Variants in MSI2 observed in about 807,000 individuals in gnomAD.
The protein encoded by MSI2 is RNA-binding protein Musashi homolog 2.
A neutral mutation model predicts 45.6 loss-of-function variants in MSI2; 17 were observed. The ratio of observed to expected loss-of-function variants is 0.37; its 90% CI spans 0.26 to 0.56. The LOEUF (loss-of-function observed/expected upper bound fraction) is 0.56. MSI2 is among the 20% of genes least tolerant of loss of function. The pLI, the probability that MSI2 is intolerant of heterozygous loss-of-function variation, is 0.77. For missense variants in MSI2, 293 were observed against 444.2 expected (o/e 0.66, Z 3.06); for synonymous variants, 156 against 158.2 (o/e 0.99, Z 0.11).
chr17:57,506,642 G>T (rs2086235395), intron 6 of MSI2, among the ~76,000 whole-genome samples: 1 of 152,174 alleles, frequency 6.6e-6, no homozygotes, highest in Non-Finnish European at 1.5e-5. Context: ...GTCGGGGGAG[G>T]CCATGGGAGT....
At chr17:57,310,164 T>C (rs573157599) in intron 5 of MSI2, among the ~76,000 whole-genome samples, 10 of 152,210 alleles carry the variant, frequency 6.6e-5, no homozygotes, top group Admixed American at 2.6e-4. Flanking sequence ...TTCTGTATCC[T>C]GGACTGAGAA....
intron 7 of MSI2, among the ~76,000 whole-genome samples, chr17:57,550,862 G>T (rs2087287268): frequency 6.6e-6 from 1 of 152,188 alleles, no homozygotes; most frequent in African/African-American, 2.4e-5. Context: ...CTGCATTCGA[G>T]AGTGTTCTGA....
chr17:57,323,594 G>T (rs79731065), intron 5 of MSI2, among the ~76,000 whole-genome samples: 1,933 of 152,352 alleles, frequency 0.013, 43 homozygotes, highest in African/African-American at 0.045. Flanking sequence ...GCTCCAGAGG[G>T]CCTGCATCTG....
At chr17:57,646,067 C>T (rs1910635081) in intron 10 of MSI2, among the ~76,000 whole-genome samples, 1 of 152,192 alleles carries the variant, frequency 6.6e-6, no homozygotes, top group African/African-American at 2.4e-5. Context: ...CCCATACCCT[C>T]ATCCACTGCA....
chr17:57,285,614 C>G (rs1473609564), intron 5 of MSI2, among the ~76,000 whole-genome samples: 2 of 152,114 alleles, frequency 1.3e-5, no homozygotes, highest in African/African-American at 2.4e-5. Flanking sequence ...GTGGAAGGTT[C>G]CGGCCCCCAC....
chr17:57,670,029 C>G (rs990218258), intron 11 of MSI2, among the ~76,000 whole-genome samples: 1 of 152,224 alleles, frequency 6.6e-6, no homozygotes, highest in African/African-American at 2.4e-5. Flanking sequence ...AGGGCTGGAA[C>G]TTGGTGGGCC....
At chr17:57,303,003 G>T (rs376658638) in intron 5 of MSI2, among the ~76,000 whole-genome samples, 7 of 152,334 alleles carry the variant, frequency 4.6e-5, no homozygotes, top group African/African-American at 1.7e-4. Context: ...CATAGGGAGG[G>T]ATGAGGGAAA....
intron 6 of MSI2, among the ~76,000 whole-genome samples, chr17:57,496,248 C>T (rs942080970): frequency 3.9e-5 from 6 of 152,196 alleles, no homozygotes; most frequent in Non-Finnish European, 4.4e-5. Context: ...TTACACTTAG[C>T]GCCACGCCAG....
intron 5 of MSI2, among the ~76,000 whole-genome samples, chr17:57,389,228 C>T (rs553552985): frequency 2.6e-4 from 40 of 152,152 alleles, no homozygotes; most frequent in African/African-American, 1.4e-4. Context: ...CCGCCTGCCT[C>T]GGCCTCCCAA....
At chr17:57,291,795 G>GT (rs905433130) in intron 5 of MSI2, among the ~76,000 whole-genome samples, 9 of 151,862 alleles carry the variant, frequency 5.9e-5, no homozygotes, top group Non-Finnish European at 7.4e-5. Flanking sequence ...TATTGAATAG[G>GT]TTTTTTTTGA....
Position 57,554,200 on chromosome 17 carries a change from TA to T in MSI2, c.454+24478del, listed in dbSNP as rs1210675486. Reference sequence around the variant, plus strand: ...AAACAAGAACGACACCAAGTATTGCTAAGAAGAGTCCTTAGGATCAAGAGTT... The same window carrying T: ...AAACAAGAACGACACCAAGTATTGCTAGAAGAGTCCTTAGGATCAAGAGTT... On this transcript the variant is annotated intron_variant, in intron 7 of 13. Transcript: ENST00000284073. Among the ~76,000 whole-genome samples the T allele has an allele frequency of 8.3e-5, 12 of 143,752 alleles. No homozygotes were observed. The East Asian group carries it at 2.4e-3, about 29-fold the overall frequency. 94.3% of individuals were successfully genotyped at this position (143,752 alleles called of 152,430 possible).
intron 5 of MSI2, among the ~76,000 whole-genome samples, chr17:57,293,756 G>T (rs1211649729): frequency 6.6e-6 from 1 of 151,740 alleles, no homozygotes; most frequent in Non-Finnish European, 1.5e-5. Flanking sequence ...TTACAGGCAT[G>T]CGCCACCACA....
the MSI2 span, among the ~76,000 whole-genome samples, chr17:57,690,001 T>C: frequency 1.3e-5 from 2 of 152,302 alleles, no homozygotes; most frequent in South Asian, 4.1e-4. Flanking sequence ...CTTGGGTAAA[T>C]AGGGCGAAGA....
intron 5 of MSI2, among the ~76,000 whole-genome samples, chr17:57,393,049 C>A (rs1020535564): frequency 1.2e-4 from 19 of 152,166 alleles, no homozygotes; most frequent in African/African-American, 4.1e-4. Flanking sequence ...TCACTCCCTC[C>A]CTCTCCCCTG....
At chr17:57,547,741 TACACACACAC>T (rs34631177) in intron 7 of MSI2, among the ~76,000 whole-genome samples, 1,619 of 123,416 alleles carry the variant, frequency 0.013, 17 homozygotes, top group Middle Eastern at 0.05. Context: ...AGACAAAAAG[TACACACACAC>T]ACACACACAC....
intron 5 of MSI2, among the ~76,000 whole-genome samples, chr17:57,296,791 T>G (rs1162477260): frequency 2.0e-5 from 3 of 152,218 alleles, no homozygotes; most frequent in Non-Finnish European, 4.4e-5. Flanking sequence ...GAGATGAACA[T>G]TAGGAAAAGC....
chr17:57,283,570 G>T (rs960178140), intron 5 of MSI2, among the ~76,000 whole-genome samples: 1 of 152,188 alleles, frequency 6.6e-6, no homozygotes, highest in Non-Finnish European at 1.5e-5. Flanking sequence ...GAGAGAGGAT[G>T]AGGAAAGAAA....
chr17:57,431,572 T>C (rs1476184529), intron 6 of MSI2, among the ~76,000 whole-genome samples: 1 of 152,186 alleles, frequency 6.6e-6, no homozygotes, highest in African/African-American at 2.4e-5. Flanking sequence ...GCACCTGTGG[T>C]CTTGGAATGA....
chr17:57,292,682 C>T (rs996977761), intron 5 of MSI2, among the ~76,000 whole-genome samples: 20 of 152,146 alleles, frequency 1.3e-4, no homozygotes, highest in African/African-American at 1.7e-4. Context: ...CTTGGTCTCA[C>T]CTGGAGATGT....
Sources: gnomAD v4.1 joint callset for allele counts (sites outside exome capture counted in the v4.1 genomes callset) on GRCh38, gnomAD v4.1.1 for gene constraint, MANE v1.5 for transcripts, NCBI Gene and HGNC (gene_info 2026-07-23, HGNC 2026-07-21) for gene names.